The following FOXP2 variants were observed in gnomAD, a reference collection of about 807,000 sequenced individuals.
FOXP2 encodes forkhead box P2, also known as forkhead box protein P2.
FOXP2 carries 12 observed loss-of-function variants against 115.8 expected under a neutral mutation model. The observed-to-expected ratio is 0.10, with a 90% confidence interval of 0.07 to 0.17. The LOEUF is 0.17. Ranked by LOEUF, FOXP2 falls within the 10% of genes least tolerant of loss-of-function variation. The pLI is 1.00. For missense variants in FOXP2, 629 were observed against 843.5 expected (o/e 0.75, Z 3.15); for synonymous variants, 328 against 297.7 (o/e 1.10, Z -1.05).
intron 1 of FOXP2, among the ~76,000 whole-genome samples, chr7:114,199,827 A>G (rs1211489179): frequency 6.6e-6 from 1 of 152,222 alleles, no homozygotes; most frequent in East Asian, 1.9e-4. Context: ...TGAAAATACC[A>G]CAGGAGATTG....
intron 3 of FOXP2, among the ~76,000 whole-genome samples, chr7:114,617,816 A>G (rs1804032280): frequency 6.6e-6 from 1 of 152,132 alleles, no homozygotes. Context: ...AAAAACAAGA[A>G]ATGCTTATTG....
intron 1 of FOXP2, among the ~76,000 whole-genome samples, chr7:114,277,982 G>A (rs1009544748): frequency 2.1e-5 from 3 of 145,300 alleles, no homozygotes; most frequent in East Asian, 4.0e-4. Flanking sequence ...AGCTGAGATC[G>A]TGTCACTGCC....
At chr7:114,152,792 A>G (rs1282373940) in intron 1 of FOXP2, among the ~76,000 whole-genome samples, 1 of 152,068 alleles carries the variant, frequency 6.6e-6, no homozygotes, top group Non-Finnish European at 1.5e-5. Context: ...ACCGTAGGGT[A>G]GTTCTGAAGT....
chr7:114,488,368 T>G (rs1477445271), intron 2 of FOXP2, among the ~76,000 whole-genome samples: 2 of 152,158 alleles, frequency 1.3e-5, no homozygotes, highest in Non-Finnish European at 2.9e-5. Context: ...CAGTGTCATA[T>G]GAGGAGGTTA....
chr7:114,203,333 C>A (rs1241457657), intron 1 of FOXP2, among the ~76,000 whole-genome samples: 2 of 151,898 alleles, frequency 1.3e-5, no homozygotes, highest in East Asian at 1.9e-4. Flanking sequence ...ACATCTCCAT[C>A]TTTTTTTATT....
intron 2 of FOXP2, among the ~76,000 whole-genome samples, chr7:114,431,074 C>T (rs1794087901): frequency 6.6e-6 from 1 of 151,824 alleles, no homozygotes; most frequent in Non-Finnish European, 1.5e-5. Flanking sequence ...TCTTAAGTTC[C>T]ATTCACTATA....
chr7:114,432,861 T>C (rs1351188509), intron 2 of FOXP2, among the ~76,000 whole-genome samples: 4 of 152,106 alleles, frequency 2.6e-5, no homozygotes, highest in South Asian at 2.1e-4. Context: ...TTGTCTTCCC[T>C]AGACAAAACA....
intron 2 of FOXP2, among the ~76,000 whole-genome samples, chr7:114,344,348 A>G (rs1791289099): frequency 6.6e-6 from 1 of 151,798 alleles, no homozygotes. Context: ...GTACAAAATG[A>G]CATGTTACAA....
chr7:114,520,788 A>G (rs1316484253), intron 2 of FOXP2, among the ~76,000 whole-genome samples: 2 of 152,136 alleles, frequency 1.3e-5, no homozygotes, highest in Non-Finnish European at 2.9e-5. Context: ...AATGTATACT[A>G]TGGAGTATGG....
intron 2 of FOXP2, among the ~76,000 whole-genome samples, chr7:114,360,096 G>A (rs1190875688): frequency 1.3e-5 from 2 of 152,092 alleles, no homozygotes; most frequent in African/African-American, 4.8e-5. Flanking sequence ...GAATTACAGG[G>A]ATGGGTTTTT....
chr7:114,454,252 A>G (rs912608075), intron 2 of FOXP2, among the ~76,000 whole-genome samples: 9 of 152,212 alleles, frequency 5.9e-5, no homozygotes, highest in African/African-American at 2.2e-4. Flanking sequence ...TATGCAGCCA[A>G]AAAACACATG....
intron 1 of FOXP2, among the ~76,000 whole-genome samples, chr7:114,234,650 T>G (rs1215399476): frequency 6.6e-6 from 1 of 152,222 alleles, no homozygotes; most frequent in Admixed American, 6.5e-5. Context: ...AGGCTCTGAG[T>G]TGTTAATGAG....
chr7:114,371,758 A>G (rs1429168048), intron 2 of FOXP2, among the ~76,000 whole-genome samples: 1 of 152,146 alleles, frequency 6.6e-6, no homozygotes, highest in Non-Finnish European at 1.5e-5. Flanking sequence ...TACTAAATAA[A>G]TGTTTAAACA....
chr7:114,503,407 A>G (rs955367458), intron 2 of FOXP2, among the ~76,000 whole-genome samples: 6 of 151,756 alleles, frequency 4.0e-5, no homozygotes, highest in Admixed American at 3.9e-4. Context: ...GACAATGGCT[A>G]AACCACACTA....
chr7:114,614,122 C>T (rs1210452002), intron 3 of FOXP2, among the ~76,000 whole-genome samples: 7 of 152,098 alleles, frequency 4.6e-5, no homozygotes, highest in South Asian at 4.2e-4. Flanking sequence ...GAATACGTTC[C>T]GTTTTAATTT....
chr7:114,299,868 G>C (rs1386114568), intron 2 of FOXP2, among the ~76,000 whole-genome samples: 15 of 151,964 alleles, frequency 9.9e-5, no homozygotes. Context: ...GAATCAAAAA[G>C]TGGTTTCTTT....
At chr7:114,280,085 T>G (rs1796290067) in intron 1 of FOXP2, among the ~76,000 whole-genome samples, 1 of 144,940 alleles carries the variant, frequency 6.9e-6, no homozygotes, top group Admixed American at 6.9e-5. Flanking sequence ...GGCAAATAAA[T>G]AAATAAATAA....
intron 2 of FOXP2, among the ~76,000 whole-genome samples, chr7:114,349,547 TATG>T (rs1791428844): frequency 6.6e-6 from 1 of 152,148 alleles, no homozygotes; most frequent in South Asian, 2.1e-4. Context: ...TATTTGATTG[TATG>T]ATATTTAAAA....
chr7:114,118,800 C>T (rs868309434), intron 1 of FOXP2, among the ~76,000 whole-genome samples: 1 of 151,990 alleles, frequency 6.6e-6, no homozygotes, highest in South Asian at 2.1e-4. Flanking sequence ...AGTACAGTTA[C>T]AGAGGTTTGC....
Sources: gnomAD v4.1 joint callset for allele counts (sites outside exome capture counted in the v4.1 genomes callset) on GRCh38, gnomAD v4.1.1 for gene constraint, MANE v1.5 for transcripts, NCBI Gene and HGNC (gene_info 2026-07-23, HGNC 2026-07-21) for gene names.